SUPV3L1: variants seen among roughly 807,000 people sequenced by gnomAD.
SUPV3L1 encodes the protein ATP-dependent RNA helicase SUPV3L1, mitochondrial.
SUPV3L1 carries 35 observed loss-of-function variants against 70.0 expected under a neutral mutation model. The ratio of observed to expected loss-of-function variants is 0.50; its 90% CI spans 0.38 to 0.66. SUPV3L1 has a LOEUF of 0.66. SUPV3L1 is among the 30% of genes least tolerant of loss of function. The pLI, the probability that SUPV3L1 is intolerant of heterozygous loss-of-function variation, is 0.00. For missense variants in SUPV3L1, 777 were observed against 961.5 expected (o/e 0.81, Z 2.54); for synonymous variants, 364 against 341.9 (o/e 1.06, Z -0.71).
intron 13 of SUPV3L1, among the ~76,000 whole-genome samples, chr10:69,206,677 C>G (rs1842838018): frequency 6.6e-6 from 1 of 152,180 alleles, no homozygotes; most frequent in African/African-American, 2.4e-5. Context: ...GACTTCTGAC[C>G]AGCCTTGCAC....
chr10:69,191,800 G>T, intron 6 of SUPV3L1, 34 bp downstream of exon 6: 3 of 1,493,546 alleles, frequency 2.0e-6, no homozygotes, highest in South Asian at 1.2e-5. Flanking sequence ...CTATGGTTTG[G>T]TATTTTTAAT....
Position 69,180,255 on chromosome 10 carries a change from C to G in SUPV3L1, c.-37C>G. On this transcript the variant is annotated 5_prime_UTR_variant, in exon 1 of 15. Transcript: ENST00000359655. Reference sequence around the variant, plus strand: ...GCGCGTCACTGTCCGCCGCCGTGTCCGCGGCTGCGCCAGACAGTGTAGAAC... The same window carrying G: ...GCGCGTCACTGTCCGCCGCCGTGTCGGCGGCTGCGCCAGACAGTGTAGAAC... 6.3e-7 allele frequency: 1 copy of G among 1,588,516 alleles called. No homozygotes were observed. The highest frequency in any genetic ancestry group is 1.1e-5 in the South Asian group (1 of 89,796).
intron 1 of SUPV3L1, 127 bp downstream of exon 1, chr10:69,180,689 A>C: frequency 7.8e-7 from 1 of 1,284,330 alleles, no homozygotes; most frequent in Non-Finnish European, 1.1e-6. Flanking sequence ...CGTGCCTCTC[A>C]GTGTCTGCCT....
intron 1 of SUPV3L1, among the ~76,000 whole-genome samples, chr10:69,181,033 A>C (rs1842041807): frequency 6.6e-6 from 1 of 152,100 alleles, no homozygotes; most frequent in African/African-American, 2.4e-5. Flanking sequence ...TCAGATCCAG[A>C]TCCCCTCTTA....
intron 1 of SUPV3L1, among the ~76,000 whole-genome samples, chr10:69,180,772 A>G (rs1469580860): frequency 6.6e-6 from 1 of 152,182 alleles, no homozygotes; most frequent in Non-Finnish European, 1.5e-5. Context: ...TCGTCCCAGA[A>G]GCGGCCTTTT....
intron 1 of SUPV3L1, among the ~76,000 whole-genome samples, chr10:69,180,859 TG>T (rs1180672830): frequency 6.6e-6 from 1 of 152,216 alleles, no homozygotes; most frequent in Non-Finnish European, 1.5e-5. Context: ...AGTTGTTAGG[TG>T]GACGCCCGCT....
intron 14 of SUPV3L1, 67 bp from the exon 15 acceptor site, chr10:69,208,533 C>A: frequency 6.9e-7 from 1 of 1,442,204 alleles, no homozygotes; most frequent in Non-Finnish European, 9.5e-7. Context: ...TGTAGGTGTG[C>A]CATTGAGAGT....
chr10:69,199,131 T>A lies in SUPV3L1; in HGVS notation c.1232T>A (p.Phe411Tyr). 6.2e-7 allele frequency: 1 copy of A among 1,612,000 alleles called. No homozygotes were observed. The change falls in exon 10 of 15, where the codon TTT becomes TAT. Residue 411 changes from phenylalanine to tyrosine, a missense_variant. Phe to Tyr is a conservative substitution (Grantham distance 22). Around this residue, in one of 2 missense-constraint regions of SUPV3L1, gnomAD observed 619 missense variants for 823.3 expected, o/e 0.75. Transcript: ENST00000359655. ...ACCAAACTTGCTCAAGCAAAAAAGT[T>A]TAATGATCCCAATGACCCATGCAAA... Reference protein sequence around the residue: ...PGTKLAQAKKFNDPNDPCKIL... With the variant: ...PGTKLAQAKKYNDPNDPCKIL...
At position 69,190,082 on chromosome 10, in the gene SUPV3L1, T is replaced by G. The variant is rs1443548723; in HGVS notation, c.741+647T>G. ...TGCAGAAAGTAACATACAAATAAGC[T>G]TGAACCTATTACACCACCTCATCAT... On this transcript the variant is annotated intron_variant, in intron 5 of 14. Transcript: ENST00000359655. Among the ~76,000 whole-genome samples, 3 of 152,348 alleles carry G rather than the reference T, an allele frequency of 2.0e-5. No individual in the cohort carries two copies. In the East Asian group the frequency reaches 5.8e-4, roughly 29 times the overall value.
intron 13 of SUPV3L1, among the ~76,000 whole-genome samples, 197 bp from the exon 14 acceptor site, chr10:69,207,596 G>A (rs762079880): frequency 5.3e-5 from 8 of 152,116 alleles, no homozygotes; most frequent in Admixed American, 1.3e-4. Context: ...GATTATAGAC[G>A]TGAGCCACTG....
intron 4 of SUPV3L1, 93 bp downstream of exon 4, chr10:69,187,849 A>G (rs1325986863): frequency 1.3e-6 from 1 of 798,140 alleles, no homozygotes; most frequent in Non-Finnish European, 1.9e-6. Context: ...CTAGATAACA[A>G]ATTATAAGGA....
intron 7 of SUPV3L1, 77 bp downstream of exon 7, chr10:69,195,342 C>T (rs746433690): frequency 2.6e-6 from 3 of 1,136,968 alleles, no homozygotes; most frequent in Non-Finnish European, 3.7e-6. Flanking sequence ...CTTGCCATTG[C>T]CAACCAAATA....
chr10:69,190,493 T>A (rs553503351), intron 5 of SUPV3L1, among the ~76,000 whole-genome samples: 82 of 152,338 alleles, frequency 5.4e-4, no homozygotes, highest in African/African-American at 1.8e-3. Flanking sequence ...TGTAAATACT[T>A]GAGAATATGT....
intron 2 of SUPV3L1, 74 bp downstream of exon 2, chr10:69,186,138 C>T (rs1589377132): frequency 7.9e-7 from 1 of 1,257,980 alleles, no homozygotes; most frequent in African/African-American, 1.5e-5. Flanking sequence ...CTGTACGACC[C>T]CTCATGTGAC....
intron 6 of SUPV3L1, among the ~76,000 whole-genome samples, chr10:69,194,719 T>C (rs140527066): frequency 1.6e-4 from 24 of 148,924 alleles, no homozygotes; most frequent in Middle Eastern, 6.8e-3. Context: ...GAAGTTACAG[T>C]GAGCTATGAT....
chr10:69,201,319 C>T (rs1031503211), intron 11 of SUPV3L1, among the ~76,000 whole-genome samples: 4 of 151,866 alleles, frequency 2.6e-5, no homozygotes, highest in Non-Finnish European at 5.9e-5. Context: ...TACTTCATTC[C>T]TTATACTTTC....
rs1472192940 is a variant in SUPV3L1 at position 69,208,784 on chromosome 10, A to C, written c.2110A>C (p.Lys704Gln). 1 of 1,614,170 alleles carries C rather than the reference A, an allele frequency of 6.2e-7. No individual in the cohort carries two copies. Among genetic ancestry groups the C allele is most frequent in the Non-Finnish European group, 8.5e-7 (1 of 1,180,028 alleles). Residue 704 changes from lysine (K) to glutamine (Q), a missense_variant, in exon 15 of 15, where the codon AAG (lysine) becomes CAG (glutamine). Around this residue, in one of 2 missense-constraint regions of SUPV3L1, gnomAD observed 619 missense variants for 823.3 expected, o/e 0.75. Transcript: ENST00000359655. ...GSQSRLSGTL[K>Q]SQARRTRGTK... ...CCAGTCACGATTGTCAGGAACCTTA[A>C]AGAGCCAAGCTAGAAGGACACGCGG...
chr10:69,197,954 G>T (rs900753153), intron 8 of SUPV3L1, among the ~76,000 whole-genome samples: 2 of 152,280 alleles, frequency 1.3e-5, no homozygotes, highest in African/African-American at 4.8e-5. Context: ...AGTCCATTCT[G>T]TGTTTTGCCA....
chr10:69,202,332 G>T, intron 11 of SUPV3L1, 107 bp from the exon 12 acceptor site: 1 of 794,400 alleles, frequency 1.3e-6, no homozygotes, highest in South Asian at 2.0e-5. Flanking sequence ...ACTTCATATG[G>T]TGAGAGCTTA....
Sources: gnomAD v4.1 joint callset for allele counts (sites outside exome capture counted in the v4.1 genomes callset) on GRCh38, gnomAD v4.1.1 for gene constraint, gnomAD v4.1.1 regional missense constraint, MANE v1.5 for transcripts, NCBI Gene and HGNC (gene_info 2026-07-23, HGNC 2026-07-21) for gene names.